MDN1: variants seen among roughly 807,000 people sequenced by gnomAD.
MDN1 encodes midasin.
Under a neutral mutation model 669.2 loss-of-function variants are expected in MDN1, and 266 were observed. The observed-to-expected ratio is 0.40, with a 90% confidence interval of 0.36 to 0.44. The LOEUF is 0.44. Among genes scored for constraint, MDN1 ranks in the 20% least tolerant of loss-of-function variants. MDN1 has a pLI of 1.00. For missense variants in MDN1, 5,940 were observed against 6,754.0 expected (o/e 0.88, Z 4.22); for synonymous variants, 2,385 against 2,457.1 (o/e 0.97, Z 0.87).
intron 88 of MDN1, among the ~76,000 whole-genome samples, chr6:89,659,217 T>TA (rs1425131451): frequency 3.9e-5 from 6 of 152,002 alleles, no homozygotes; most frequent in Admixed American, 2.0e-4. Context: ...TTACAAAAAA[T>TA]AAAAAATTAG....
At position 89,819,708 on chromosome 6, in the gene MDN1, G is replaced by T; in HGVS notation, c.-101C>A. 1.1e-6 allele frequency: 1 copy of T among 949,086 alleles called. No individual in the cohort carries two copies. Among genetic ancestry groups the T allele is most frequent in the South Asian group, 1.4e-5 (1 of 73,878 alleles). 58.8% of individuals were successfully genotyped at this position (949,086 alleles called of 1,614,324 possible). ...CAGTGCCCGAGCAGCCAGCAACTAC[G>T]CCCGCAGGAAAGGCGTCCTCAGCTC... On this transcript the variant is annotated 5_prime_UTR_variant, in exon 1 of 102. Coordinates refer to ENST00000369393, the MANE Select transcript of MDN1 (RefSeq NM_014611.3).
intron 1 of MDN1, 24 bp from the exon 2 acceptor site, chr6:89,803,578 C>T: frequency 6.7e-7 from 1 of 1,497,480 alleles, no homozygotes; most frequent in Non-Finnish European, 9.2e-7. Context: ...AACAAAACAT[C>T]TTTCACTTTT....
chr6:89,692,500 C>T lies in MDN1; in HGVS notation c.10530G>A (p.Val3510=). The T allele has an allele frequency of 6.2e-7, 1 of 1,614,210 alleles. No homozygotes were observed. ...MNALLYLRSH[V]LCKGELDQRA... is the part of the protein sequence containing the mutation. ...TCTGGTCCAACTCTCCCTTGCATAA[C>T]ACGTGGGAGCGCAGGTAAAGGAGAG... Residue 3510 remains valine (V), a synonymous_variant, in exon 63 of 102, where the codon GTG becomes GTA. Coordinates refer to ENST00000369393, the MANE Select transcript of MDN1 (RefSeq NM_014611.3).
chr6:89,685,895 T>C lies in MDN1; in HGVS notation c.11651A>G (p.His3884Arg), dbSNP rs577186486. 4.2e-4 allele frequency: 674 copies of C among 1,614,152 alleles called. 7 individuals carry two copies. The South Asian group carries it at 7.0e-3, about 17-fold the overall frequency. ...FIEGSSLGEFHVRLQMLLVFH... is the reference protein window; with the variant it reads ...FIEGSSLGEFRVRLQMLLVFH... The stretch of plus-strand genomic sequence containing the variant: ...AACCAGTAACATCTGAAGTCGCACA[T>C]GGAACTCTCCCAGCGAGGATCCTTC... The change falls in exon 70 of 102, where the codon CAT (histidine) becomes CGT (arginine). Residue 3884 changes from histidine (H) to arginine (R), a missense_variant. Around this residue, in one of 5 missense-constraint regions of MDN1, gnomAD observed 2,280 missense variants for 2,576.3 expected, o/e 0.88. Coordinates refer to ENST00000369393, the MANE Select transcript of MDN1 (RefSeq NM_014611.3).
chr6:89,690,198 C>A, intron 64 of MDN1, 55 bp from the exon 65 acceptor site: 1 of 1,555,038 alleles, frequency 6.4e-7, no homozygotes, highest in South Asian at 1.2e-5. Flanking sequence ...TACTTCTAAT[C>A]AGACTAAAAG....
At chr6:89,687,156 T>A in intron 68 of MDN1, 133 bp from the exon 69 acceptor site, 10 of 1,355,084 alleles carry the variant, frequency 7.4e-6, no homozygotes, top group Non-Finnish European at 1.0e-5. Flanking sequence ...GTTTCCTCCC[T>A]CAAGAATATA....
At chr6:89,706,410 T>C (rs1003107636) in intron 52 of MDN1, among the ~76,000 whole-genome samples, 1 of 152,228 alleles carries the variant, frequency 6.6e-6, no homozygotes, top group African/African-American at 2.4e-5. Flanking sequence ...TTCAATTTTT[T>C]TTTTTTGATT....
At chr6:89,791,243 T>C (rs1819254902) in intron 5 of MDN1, among the ~76,000 whole-genome samples, 1 of 152,182 alleles carries the variant, frequency 6.6e-6, no homozygotes, top group African/African-American at 2.4e-5. Context: ...TGGATTTTTC[T>C]TTTATTCCTT....
chr6:89,765,712 G>A (rs1458861250), intron 15 of MDN1, among the ~76,000 whole-genome samples: 1 of 152,120 alleles, frequency 6.6e-6, no homozygotes, highest in East Asian at 1.9e-4. Flanking sequence ...GACTGCTTAG[G>A]TTCAAATCCT....
intron 93 of MDN1, 143 bp from the exon 94 acceptor site, chr6:89,653,298 G>A (rs1202624202): frequency 2.4e-6 from 2 of 824,272 alleles, no homozygotes; most frequent in Non-Finnish European, 3.7e-6. Context: ...GATTTCAGAG[G>A]TTCTTTCTCT....
Position 89,727,813 on chromosome 6 carries a change from A to G in MDN1, c.5472+20T>C. 6.2e-7 allele frequency: 1 copy of G among 1,609,382 alleles called. No homozygotes were observed. Among genetic ancestry groups the G allele is most frequent in the East Asian group, 2.2e-5 (1 of 44,856 alleles). On this transcript the variant is annotated intron_variant, in intron 37 of 101. Transcript: ENST00000369393. The stretch of plus-strand genomic sequence containing the variant: ...CACACACATGATCACCGTCTTGGGC[A>G]TGACAAACAGGCCCCTCACCTCATC...
chr6:89,644,102 T>C lies in MDN1; in HGVS notation c.16694A>G (p.Tyr5565Cys), dbSNP rs758146525. The C allele has an allele frequency of 6.2e-7, 1 of 1,614,106 alleles. No homozygotes were observed. The highest frequency in any genetic ancestry group is 1.1e-5 in the South Asian group (1 of 91,072). Residue 5565 changes from tyrosine to cysteine, a missense_variant, in exon 102 of 102, where the codon TAC (tyrosine) becomes TGC (cysteine). Coordinates refer to ENST00000369393, the MANE Select transcript of MDN1 (RefSeq NM_014611.3). ...RSYMEEFPFPYYIILRDVNAL... is the reference protein window; with the variant it reads ...RSYMEEFPFPCYIILRDVNAL... ...GTTTACATCTCGAAGAATGATATAG[T>C]ATGGGAATGGGAACTCTTCCATGTA...
chr6:89,804,122 C>A (rs546888900), intron 1 of MDN1, among the ~76,000 whole-genome samples: 2 of 151,506 alleles, frequency 1.3e-5, no homozygotes, highest in African/African-American at 4.8e-5. Flanking sequence ...GTTGGCTAGG[C>A]TGGTCTCGAA....
chr6:89,672,139 C>T, intron 82 of MDN1, 61 bp downstream of exon 82: 2 of 1,473,168 alleles, frequency 1.4e-6, no homozygotes, highest in East Asian at 2.4e-5. Context: ...AAGTAAAGCC[C>T]ACTCTGCCTT....
At chr6:89,704,081 T>G (rs1347199464) in intron 53 of MDN1, among the ~76,000 whole-genome samples, 1 of 151,728 alleles carries the variant, frequency 6.6e-6, no homozygotes, top group Non-Finnish European at 1.5e-5. Flanking sequence ...TAAGCAAAAC[T>G]TAGAATTCTG....
At chr6:89,749,809 C>T in intron 24 of MDN1, 58 bp from the exon 25 acceptor site, 1 of 1,298,196 alleles carries the variant, frequency 7.7e-7, no homozygotes, top group Non-Finnish European at 1.1e-6. Flanking sequence ...TTTTAAAATG[C>T]ATTATGTACA....
intron 11 of MDN1, among the ~76,000 whole-genome samples, chr6:89,778,203 T>TA (rs71556528): frequency 0.14 from 18,733 of 136,722 alleles, 1,210 homozygotes; most frequent in South Asian, 0.17. Flanking sequence ...TCTCAACTAA[T>TA]AAAAAAAAAA....
intron 46 of MDN1, among the ~76,000 whole-genome samples, chr6:89,714,336 C>T (rs1192113839): frequency 4.6e-5 from 7 of 152,188 alleles, no homozygotes; most frequent in African/African-American, 1.2e-4. Context: ...ACATAAGAAG[C>T]GTCTTTCAGA....
chr6:89,698,378 G>A (rs1019730264), intron 59 of MDN1, among the ~76,000 whole-genome samples: 3 of 152,068 alleles, frequency 2.0e-5, no homozygotes, highest in South Asian at 2.1e-4. Context: ...ACACTTTATC[G>A]GTAAGAAAGT....
Sources: gnomAD v4.1 joint callset for allele counts (sites outside exome capture counted in the v4.1 genomes callset) on GRCh38, gnomAD v4.1.1 for gene constraint, gnomAD v4.1.1 regional missense constraint, MANE v1.5 for transcripts, NCBI Gene and HGNC (gene_info 2026-07-23, HGNC 2026-07-21) for gene names.